CSGALNACT1: variants seen among roughly 807,000 people sequenced by gnomAD.
CSGALNACT1 encodes beta4GalNAcT-1.
A neutral mutation model predicts 51.0 loss-of-function variants in CSGALNACT1; 52 were observed. The ratio of observed to expected loss-of-function variants is 1.02; its 90% CI spans 0.82 to 1.29. The LOEUF is 1.29. Among genes scored for constraint, CSGALNACT1 ranks in the 50% most tolerant of loss-of-function variants. The pLI, the probability that CSGALNACT1 is intolerant of heterozygous loss-of-function variation, is 0.00. For synonymous variants in CSGALNACT1, 341 were observed against 254.4 expected, an observed-to-expected ratio of 1.34 and a Z score of -3.24; for missense variants, 935 against 679.2, an observed-to-expected ratio of 1.38 and a Z score of -4.19.
At chr8:19,696,602 C>T (rs559822334) in intron 1 of CSGALNACT1, among the ~76,000 whole-genome samples, 106 of 152,220 alleles carry the variant, frequency 7.0e-4, no homozygotes, top group Non-Finnish European at 2.5e-4. Flanking sequence ...AGTTTCAGAC[C>T]GCAGCTTGCT....
chr8:19,689,312 T>A (rs916614063), intron 1 of CSGALNACT1, among the ~76,000 whole-genome samples: 1 of 152,100 alleles, frequency 6.6e-6, no homozygotes, highest in African/African-American at 2.4e-5. Context: ...AGAGGGCCAT[T>A]TGGAGAGGAA....
intron 1 of CSGALNACT1, among the ~76,000 whole-genome samples, chr8:19,722,982 A>G (rs985456947): frequency 6.6e-6 from 1 of 152,206 alleles, no homozygotes; most frequent in Admixed American, 6.5e-5. Flanking sequence ...CCTGCCACCG[A>G]TCTTTATTCT....
At chr8:19,744,464 G>A (rs189783683) in intron 1 of CSGALNACT1, among the ~76,000 whole-genome samples, 60 of 152,206 alleles carry the variant, frequency 3.9e-4, no homozygotes, top group East Asian at 9.6e-4. Context: ...CCTTATAATC[G>A]TTTCAGCTAG....
rs112964802 is a variant in CSGALNACT1 at position 19,503,362 on chromosome 8, G to C, written c.634+1839C>G. On this transcript the variant is annotated intron_variant, in intron 4 of 9. Coordinates refer to ENST00000454498, the Ensembl canonical transcript of CSGALNACT1. ...AAATATACTGAGGGGCAAGAGGCTGGTGTCACTGCTGATTGAGAAAGATAG... is the reference window on the plus strand; with the variant it reads ...AAATATACTGAGGGGCAAGAGGCTGCTGTCACTGCTGATTGAGAAAGATAG... Among the ~76,000 whole-genome samples the C allele has an allele frequency of 4.2e-3, 635 of 152,298 alleles. 4 individuals are homozygous for C. The highest frequency in any genetic ancestry group is 0.015 in the African/African-American group (612 of 41,562).
chr8:19,673,225 C>G (rs1002010429), intron 1 of CSGALNACT1, among the ~76,000 whole-genome samples: 6 of 152,332 alleles, frequency 3.9e-5, no homozygotes, highest in Non-Finnish European at 8.8e-5. Flanking sequence ...GGATATGGGA[C>G]TCAGAGCCTT....
chr8:19,466,623 C>G (rs961254589), intron 4 of CSGALNACT1, among the ~76,000 whole-genome samples: 3 of 152,230 alleles, frequency 2.0e-5, no homozygotes, highest in African/African-American at 7.2e-5. Context: ...GTGCCATCAC[C>G]TGTCAGCTGT....
At chr8:19,496,270 A>G (rs1196133344) in intron 4 of CSGALNACT1, among the ~76,000 whole-genome samples, 1 of 152,210 alleles carries the variant, frequency 6.6e-6, no homozygotes, top group East Asian at 1.9e-4. Context: ...ACCACCATAG[A>G]ACACAGATCA....
intron 3 of CSGALNACT1, among the ~76,000 whole-genome samples, chr8:19,545,181 G>C (rs1019655726): frequency 3.3e-4 from 50 of 152,250 alleles, no homozygotes; most frequent in African/African-American, 1.1e-3. Context: ...ACCCAGTCTT[G>C]CCTGTCACCA....
chr8:19,452,434 A>AGAG (rs2063344332), intron 5 of CSGALNACT1, among the ~76,000 whole-genome samples: 2 of 150,264 alleles, frequency 1.3e-5, no homozygotes, highest in Admixed American at 6.6e-5. Context: ...AAAAAAAAGC[A>AGAG]GGGAAGGGGA....
At chr8:19,718,818 C>A (rs1173655980) in intron 1 of CSGALNACT1, among the ~76,000 whole-genome samples, 1 of 152,180 alleles carries the variant, frequency 6.6e-6, no homozygotes, top group Non-Finnish European at 1.5e-5. Context: ...CTGCAAGGAT[C>A]ACCACGACCG....
chr8:19,484,025 T>G (rs899616791), intron 4 of CSGALNACT1, among the ~76,000 whole-genome samples: 3 of 152,240 alleles, frequency 2.0e-5, no homozygotes, highest in Non-Finnish European at 4.4e-5. Flanking sequence ...CACTTTGTCC[T>G]GCATACCTAG....
At chr8:19,578,062 G>T (rs1400075216) in intron 3 of CSGALNACT1, among the ~76,000 whole-genome samples, 1 of 152,190 alleles carries the variant, frequency 6.6e-6, no homozygotes, top group Non-Finnish European at 1.5e-5. Context: ...CAGCAGATGG[G>T]CTGGAACATG....
At chr8:19,617,755 CAT>C (rs2053233618) in intron 1 of CSGALNACT1, among the ~76,000 whole-genome samples, 1 of 152,122 alleles carries the variant, frequency 6.6e-6, no homozygotes, top group Non-Finnish European at 1.5e-5. Flanking sequence ...TATATTTTGA[CAT>C]GTTAGGATAT....
upstream of CSGALNACT1, chr8:19,682,650 GC>G (rs1282563001): frequency 8.8e-6 from 4 of 453,902 alleles, no homozygotes; most frequent in Non-Finnish European, 1.8e-5. Flanking sequence ...GGCAACAACA[GC>G]CAAAACCACA....
At chr8:19,702,462 T>C (rs1413054728) in intron 1 of CSGALNACT1, among the ~76,000 whole-genome samples, 1 of 152,132 alleles carries the variant, frequency 6.6e-6, no homozygotes, top group African/African-American at 2.4e-5. Context: ...CAGTGAGCTA[T>C]AATCACACCA....
At chr8:19,533,629 A>G (rs1450205524) in intron 3 of CSGALNACT1, among the ~76,000 whole-genome samples, 1 of 152,056 alleles carries the variant, frequency 6.6e-6, no homozygotes, top group East Asian at 1.9e-4. Context: ...CATGTACTTC[A>G]CATCCTCCTA....
intron 1 of CSGALNACT1, among the ~76,000 whole-genome samples, chr8:19,669,082 G>A (rs1042339122): frequency 6.6e-6 from 1 of 152,152 alleles, no homozygotes; most frequent in Non-Finnish European, 1.5e-5. Flanking sequence ...GATACAGCAG[G>A]CTTCTTGGAG....
At chr8:19,407,145 A>G (rs1055545797) in intron 9 of CSGALNACT1, among the ~76,000 whole-genome samples, 3 of 152,308 alleles carry the variant, frequency 2.0e-5, no homozygotes, top group South Asian at 2.1e-4. Context: ...AGAGACCTGC[A>G]TCCTGGGTGC....
chr8:19,660,743 G>A (rs1426433562), intron 1 of CSGALNACT1, among the ~76,000 whole-genome samples: 2 of 152,110 alleles, frequency 1.3e-5, no homozygotes, highest in Admixed American at 1.3e-4. Context: ...TAAAGGCAAT[G>A]ACATGGTAGA....
Sources: gnomAD v4.1 joint callset for allele counts (sites outside exome capture counted in the v4.1 genomes callset) on GRCh38, gnomAD v4.1.1 for gene constraint, MANE v1.5 for transcripts, NCBI Gene and HGNC (gene_info 2026-07-23, HGNC 2026-07-21) for gene names.